WNK2: variants seen among roughly 807,000 people sequenced by gnomAD.
WNK2 encodes WNK lysine deficient protein kinase 2.
In WNK2, 67 loss-of-function variants were observed where a neutral mutation model predicts 192.1. The observed-to-expected ratio is 0.35, with a 90% CI of 0.29 to 0.43. The LOEUF (loss-of-function observed/expected upper bound fraction) is 0.43, where lower values mean the gene tolerates loss of function less well. Among genes scored for constraint, WNK2 ranks in the 20% least tolerant of loss-of-function variants. The probability of loss-of-function intolerance (pLI) is 1.00; values close to 1 mark genes in which losing one functional copy is unlikely to be tolerated. For missense variants in WNK2, 2,698 were observed against 3,089.7 expected (o/e 0.87, Z 3.01); for synonymous variants, 1,439 against 1,393.9 (o/e 1.03, Z -0.72).
Position 93,239,994 on chromosome 9 carries a change from G to A in WNK2, c.1542+18G>A, listed in dbSNP as rs1300122059. The A allele has an allele frequency of 1.2e-6, 2 of 1,600,866 alleles. No homozygotes were observed. The highest frequency in any genetic ancestry group is 2.3e-5 in the East Asian group (1 of 44,304). ...AAGAGATGGTAAGCAGGACTCAGAT[G>A]GGGTGAGGTGGGTGCAGGTGTTGGC... On this transcript the variant is annotated intron_variant, in intron 7 of 29. Transcript: ENST00000427277. This position sits in a 1 kb window ranked among gnomAD's most constrained non-coding sequence, Gnocchi z 4.2.
At chr9:93,205,642 C>G (rs576525372) in intron 2 of WNK2, among the ~76,000 whole-genome samples, 20 of 152,366 alleles carry the variant, frequency 1.3e-4, no homozygotes, top group Non-Finnish European at 1.9e-4. Context: ...CAGCCTCATC[C>G]CGTGGGGAGG....
At chr9:93,188,693 A>C (rs778869977) in intron 2 of WNK2, among the ~76,000 whole-genome samples, 1 of 152,176 alleles carries the variant, frequency 6.6e-6, no homozygotes, top group African/African-American at 2.4e-5. Flanking sequence ...CTGTACTGTC[A>C]GACAGGGTGC....
chr9:93,275,145 A>G lies in WNK2; in HGVS notation c.4033+6399A>G, dbSNP rs557547975. Among the ~76,000 whole-genome samples, 4 of 152,344 alleles carry G rather than the reference A, an allele frequency of 2.6e-5. No individual in the cohort carries two copies. The South Asian group carries it at 8.3e-4, about 32-fold the overall frequency. On this transcript the variant is annotated intron_variant, in intron 19 of 29. Coordinates refer to ENST00000427277, the MANE Select transcript of WNK2 (RefSeq NM_006648.4). ...AGTCCACCATATTAATAGTCTAAAG[A>G]AGGAAGAAACATATGATCATAACAG...
rs141864641 is a variant in WNK2, at chr9:93,215,660, T to C, written c.682-14036T>C. ...ATTTTACTTTTTAGTTCTAGATTTC[T>C]ATTTGTTTCTGACTTCATAGATTTT... is the stretch of plus-strand genomic sequence containing the variant. On this transcript the variant is annotated intron_variant, in intron 2 of 29. Transcript: ENST00000427277. Among the ~76,000 whole-genome samples, 1,047 of 152,376 alleles carry C rather than the reference T, an allele frequency of 6.9e-3. 13 individuals are homozygous for C. The highest frequency in any genetic ancestry group is 0.023 in the African/African-American group (942 of 41,596).
At chr9:93,225,579 CTG>C (rs1837667512) in intron 2 of WNK2, among the ~76,000 whole-genome samples, 1 of 152,216 alleles carries the variant, frequency 6.6e-6, no homozygotes, top group Non-Finnish European at 1.5e-5. Flanking sequence ...AAAATGAAGA[CTG>C]TAGTGCATGC....
chr9:93,185,436 C>G lies in WNK2; in HGVS notation c.507C>G (p.Arg169=). The G allele has an allele frequency of 6.2e-7, 1 of 1,611,934 alleles. No individual in the cohort carries two copies. Among genetic ancestry groups the G allele is most frequent in the Non-Finnish European group, 8.5e-7 (1 of 1,179,580 alleles). The part of the protein sequence containing the change: ...AEAKPEPGRT[R]RDEPEEEEDD... Reference sequence around the variant, plus strand: ...CGAAGCCTGAGCCCGGGCGCACTCGCCGGGACGAGCCCGAAGAGGAGGAGG... The same window carrying G: ...CGAAGCCTGAGCCCGGGCGCACTCGGCGGGACGAGCCCGAAGAGGAGGAGG... Residue 169 remains arginine (R), a synonymous_variant, in exon 2 of 30, where the codon CGC becomes CGG. Transcript: ENST00000427277.
chr9:93,264,734 C>T (rs1268225891), intron 16 of WNK2, among the ~76,000 whole-genome samples: 1 of 152,214 alleles, frequency 6.6e-6, no homozygotes, highest in Non-Finnish European at 1.5e-5. Flanking sequence ...ATTATTCCTG[C>T]ATCAGTGAGG....
chr9:93,226,040 G>A (rs771404255), intron 2 of WNK2, among the ~76,000 whole-genome samples: 9 of 152,328 alleles, frequency 5.9e-5, no homozygotes, highest in Admixed American at 1.3e-4. Context: ...GTCTGAAAAC[G>A]AGTCTGGACC....
At chr9:93,315,669 T>G (rs1441176106) in intron 28 of WNK2, 2 of 152,212 alleles carry the variant, frequency 1.3e-5, no homozygotes, top group Admixed American at 6.5e-5. Context: ...CTACCTCCTC[T>G]TCAGACATGC....
chr9:93,201,877 A>G (rs1056987870), intron 2 of WNK2, among the ~76,000 whole-genome samples: 1 of 152,120 alleles, frequency 6.6e-6, no homozygotes, highest in African/African-American at 2.4e-5. Context: ...CCGCTTCCTG[A>G]ACTGTTTATG....
intron 29 of WNK2, chr9:93,318,512 G>C: frequency 6.2e-7 from 1 of 1,614,150 alleles, no homozygotes; most frequent in Middle Eastern, 1.7e-4. Context: ...GCCAGAAAAC[G>C]TTAGGTGAGC....
chr9:93,320,425 T>G lies in WNK2; in HGVS notation c.*33T>G. 1 of 1,367,602 alleles carries G rather than the reference T, an allele frequency of 7.3e-7. No individual in the cohort carries two copies. The highest frequency in any genetic ancestry group is 9.8e-7 in the Non-Finnish European group (1 of 1,021,832). 84.7% of individuals were successfully genotyped at this position (1,367,602 alleles called of 1,614,324 possible). A position where few individuals can be genotyped will look rare whatever the true frequency, so the allele number is the denominator to read the frequency against. On this transcript the variant is annotated 3_prime_UTR_variant, in exon 30 of 30. Coordinates refer to ENST00000427277, the MANE Select transcript of WNK2 (RefSeq NM_006648.4). Reference sequence around the variant, plus strand: ...TAGACGCCAGGCCCACTTCACGCCGTCTAAGTGGAGAAGTGACGGACCCTC... The same window carrying G: ...TAGACGCCAGGCCCACTTCACGCCGGCTAAGTGGAGAAGTGACGGACCCTC...
intron 19 of WNK2, among the ~76,000 whole-genome samples, chr9:93,282,539 A>C (rs1314479860): frequency 1.3e-5 from 2 of 152,128 alleles, no homozygotes; most frequent in Non-Finnish European, 2.9e-5. Context: ...AAAAGAGCAC[A>C]CTAATACTCA....
At chr9:93,282,475 AC>A (rs1166268700) in intron 19 of WNK2, among the ~76,000 whole-genome samples, 61 of 151,866 alleles carry the variant, frequency 4.0e-4, no homozygotes, top group African/African-American at 1.1e-3. Context: ...AAAAAAAAAA[AC>A]AGAACAAAGA....
chr9:93,208,077 T>A (rs1833717755), intron 2 of WNK2, among the ~76,000 whole-genome samples: 1 of 152,196 alleles, frequency 6.6e-6, no homozygotes, highest in East Asian at 1.9e-4. Context: ...TTATAAATAA[T>A]GCTGCAGTGA....
chr9:93,290,600 G>A (rs1353579821), intron 21 of WNK2, among the ~76,000 whole-genome samples: 1 of 152,218 alleles, frequency 6.6e-6, no homozygotes, highest in Non-Finnish European at 1.5e-5. Flanking sequence ...CTCTCCAGTG[G>A]CTGAGGGTCT....
chr9:93,188,898 C>T (rs982885290), intron 2 of WNK2, among the ~76,000 whole-genome samples: 2 of 152,206 alleles, frequency 1.3e-5, no homozygotes, highest in African/African-American at 2.4e-5. Flanking sequence ...GCTCTGCCAC[C>T]TTCTGTTGGG....
chr9:93,203,960 C>T (rs1217099877), intron 2 of WNK2, among the ~76,000 whole-genome samples: 1 of 152,138 alleles, frequency 6.6e-6, no homozygotes, highest in Admixed American at 6.5e-5. Flanking sequence ...CTAGACAAAG[C>T]TCCCTGAGCA....
intron 2 of WNK2, among the ~76,000 whole-genome samples, chr9:93,190,839 C>A (rs1483935816): frequency 6.6e-6 from 1 of 152,222 alleles, no homozygotes; most frequent in East Asian, 1.9e-4. Flanking sequence ...GATCTTGGGC[C>A]CTCCTCTAGG....
Sources: gnomAD v4.1 joint callset for allele counts (sites outside exome capture counted in the v4.1 genomes callset) on GRCh38, gnomAD v4.1.1 for gene constraint, Gnocchi (gnomAD v3.1) non-coding constraint, MANE v1.5 for transcripts, NCBI Gene and HGNC (gene_info 2026-07-23, HGNC 2026-07-21) for gene names.